The following IL4R variants were observed in gnomAD, a reference collection of about 807,000 sequenced individuals.
IL4R encodes interleukin 4 receptor, also known as interleukin-4 receptor subunit alpha.
IL4R carries 17 observed loss-of-function variants against 41.5 expected under a neutral mutation model. The observed-to-expected ratio is 0.41, with a 90% confidence interval of 0.28 to 0.61. IL4R has a LOEUF of 0.61. Among genes scored for constraint, IL4R ranks in the 20% least tolerant of loss-of-function variants. The pLI, the probability that IL4R is intolerant of heterozygous loss-of-function variation, is 0.31. For missense variants in IL4R, 974 were observed against 1,043.1 expected, an observed-to-expected ratio of 0.93 and a Z score of 0.91; for synonymous variants, 402 against 422.9, an observed-to-expected ratio of 0.95 and a Z score of 0.61.
chr16:27,325,606 A>G (rs1198841939), intron 1 of IL4R, among the ~76,000 whole-genome samples: 2 of 152,050 alleles, frequency 1.3e-5, no homozygotes, highest in African/African-American at 4.8e-5. Context: ...GAATCATAAA[A>G]TGGGTTTAAT....
chr16:27,354,661 C>G (rs2085996103), intron 7 of IL4R, among the ~76,000 whole-genome samples: 1 of 152,244 alleles, frequency 6.6e-6, no homozygotes, highest in African/African-American at 2.4e-5. Context: ...GTGAAGAAGA[C>G]TGCTTCAGTT....
rs3024606 is a variant in IL4R, at chr16:27,352,182, G to C, written c.514-358G>C. On this transcript the variant is annotated intron_variant, in intron 6 of 10. Coordinates refer to ENST00000395762, the MANE Select transcript of IL4R (RefSeq NM_000418.4). ...TTTATTATCTTCATTTTGCAGATGA[G>C]GACATTGAGGTCCAGAGAGGTTATG... Among the ~76,000 whole-genome samples the C allele has an allele frequency of 8.2e-3, 1,250 of 152,286 alleles. 14 individuals carry two copies. Among genetic ancestry groups the C allele is most frequent in the African/African-American group, 0.028 (1,183 of 41,548 alleles).
In IL4R at chr16:27,363,059, G is replaced by C. The variant is rs772301576; in HGVS notation, c.1707G>C (p.Ser569=). The C allele has an allele frequency of 6.2e-7, 1 of 1,614,084 alleles. No individual in the cohort carries two copies. Among genetic ancestry groups the C allele is most frequent in the Non-Finnish European group, 8.5e-7 (1 of 1,180,028 alleles). ...ATGGGGCAGCTGCAGCCCCCGTCTC[G>C]GCCCCCACCAGTGGCTATCAGGAGT... ...LQHGAAAAPV[S]APTSGYQEFV... The change falls in exon 11 of 11, where the codon TCG becomes TCC. Residue 569 remains serine (S), a synonymous_variant. Transcript: ENST00000395762.
chr16:27,360,652 T>C, intron 9 of IL4R, 114 bp from the exon 10 acceptor site: 1 of 1,250,494 alleles, frequency 8.0e-7, no homozygotes, highest in African/African-American at 1.5e-5. Flanking sequence ...AAGTGACCTG[T>C]TGGACTTCTG....
intron 3 of IL4R, 120 bp from the exon 4 acceptor site, chr16:27,342,001 C>T (rs1276278563): frequency 1.8e-6 from 2 of 1,092,540 alleles, no homozygotes; most frequent in Non-Finnish European, 2.6e-6. Flanking sequence ...TCTGTGGGCG[C>T]TGGCCCTCAA....
At chr16:27,349,907 G>A (rs1033919406) in intron 6 of IL4R, among the ~76,000 whole-genome samples, 3 of 152,100 alleles carry the variant, frequency 2.0e-5, no homozygotes, top group Non-Finnish European at 2.9e-5. Flanking sequence ...AGGCCACCAC[G>A]CCAGGCTAAT....
At position 27,357,499 on chromosome 16, in the gene IL4R, C is replaced by G. The variant is rs536403794; in HGVS notation, c.771-1417C>G. 7.2e-5 allele frequency among the ~76,000 whole-genome samples: 11 copies of G among 152,208 alleles called. No individual in the cohort carries two copies. The East Asian group carries it at 1.5e-3, about 21-fold the overall frequency. ...TATTTTTTGGGACAGAGTGGAGTCT[C>G]AAAAACCAAGCTGGAGTGCAGTGGT... On this transcript the variant is annotated intron_variant, in intron 8 of 10. Transcript: ENST00000395762.
intron 2 of IL4R, 99 bp downstream of exon 2, chr16:27,330,297 G>T (rs1596778151): frequency 1.3e-5 from 2 of 149,866 alleles, no homozygotes. Flanking sequence ...TGAGGCAGGA[G>T]AATCACTTGA....
rs2061579496 is a variant in IL4R, at chr16:27,328,842, T to G, written c.-151-1224T>G. Among the ~76,000 whole-genome samples the G allele has an allele frequency of 2.0e-5, 3 of 152,336 alleles. No individual in the cohort carries two copies. The South Asian group carries it at 6.2e-4, about 32-fold the overall frequency. ...TCTTTTGTGAACCATTTATGTTCTT[T>G]GCCTATTTTTCTTAAAGGGATGTTT... On this transcript the variant is annotated intron_variant, in intron 1 of 10. Coordinates refer to ENST00000395762, the MANE Select transcript of IL4R (RefSeq NM_000418.4).
chr16:27,326,908 G>GGGCCACC (rs1317020038), intron 1 of IL4R, among the ~76,000 whole-genome samples: 2 of 152,152 alleles, frequency 1.3e-5, no homozygotes, highest in African/African-American at 4.8e-5. Context: ...TATCCCAGTG[G>GGGCCACC]GGCCACCGAC....
intron 3 of IL4R, chr16:27,341,078 A>G: frequency 1.5e-6 from 1 of 678,492 alleles, no homozygotes; most frequent in Non-Finnish European, 2.7e-6. Flanking sequence ...AGGACTCTTC[A>G]GGATGCCGTG....
chr16:27,342,132 G>A lies in IL4R; in HGVS notation c.82G>A (p.Val28Ile). ...CTGTGTCTCCCCAGGGAACATGAAGGTCTTGCAGGAGCCCACCTGCGTCTC... is the reference window on the plus strand; with the variant it reads ...CTGTGTCTCCCCAGGGAACATGAAGATCTTGCAGGAGCCCACCTGCGTCTC... ...LQVASSGNMKVLQEPTCVSDY... is the reference protein window; with the variant it reads ...LQVASSGNMKILQEPTCVSDY... The change falls in exon 4 of 11, where the codon GTC becomes ATC. Residue 28 changes from valine (V) to isoleucine (I), a missense_variant. Physicochemically the swap from Val to Ile is conservative, Grantham distance 29. Transcript: ENST00000395762. The A allele has an allele frequency of 6.2e-7, 1 of 1,614,142 alleles. No homozygotes were observed. Among genetic ancestry groups the A allele is most frequent in the Non-Finnish European group, 8.5e-7 (1 of 1,180,022 alleles).
In IL4R at chr16:27,345,073, TGGGCTGAGGGTGGGGTGGGCAG is replaced by T; in HGVS notation, c.361+57_361+78del. The T allele has an allele frequency of 1.5e-6, 1 of 679,194 alleles. No individual in the cohort carries two copies. Among genetic ancestry groups the T allele is most frequent in the Non-Finnish European group, 2.3e-6 (1 of 432,788 alleles). 42.1% of individuals were successfully genotyped at this position (679,194 alleles called of 1,614,324 possible). ...GGCTGGGTGTGTTCCCACAGCTGCC[TGGGCTGAGGGTGGGGTGGGCAG>T]GGGAGGAGGTGGGGTCATAGCAACA... On this transcript the variant is annotated intron_variant, in intron 5 of 10. Transcript: ENST00000395762. The surrounding 1 kb of genome is among the most constrained non-coding windows in gnomAD (Gnocchi z 4.5).
intron 1 of IL4R, chr16:27,314,222 G>A: frequency 1.6e-6 from 1 of 609,318 alleles, no homozygotes; most frequent in Non-Finnish European, 2.1e-6. Context: ...GCGGAGGCGC[G>A]AGGCCCGGGG....
At chr16:27,358,807 G>T (rs2086183403) in intron 8 of IL4R, 109 bp from the exon 9 acceptor site, 2 of 791,168 alleles carry the variant, frequency 2.5e-6, no homozygotes, top group Non-Finnish European at 4.4e-6. Context: ...AAACTAATCA[G>T]CCTGATCTCT....
chr16:27,333,061 T>G (rs1375214738), intron 2 of IL4R, among the ~76,000 whole-genome samples: 1 of 152,084 alleles, frequency 6.6e-6, no homozygotes, highest in African/African-American at 2.4e-5. Context: ...TTTCAATCTC[T>G]TAAGGTTGTT....
At chr16:27,334,892 A>T (rs1209639497) in intron 2 of IL4R, among the ~76,000 whole-genome samples, 1 of 152,106 alleles carries the variant, frequency 6.6e-6, no homozygotes, top group Non-Finnish European at 1.5e-5. Flanking sequence ...ATCAACAAAC[A>T]GTTACTGAAC....
intron 6 of IL4R, among the ~76,000 whole-genome samples, chr16:27,348,149 G>A (rs1472137424): frequency 2.0e-5 from 3 of 152,242 alleles, no homozygotes; most frequent in African/African-American, 4.8e-5. Flanking sequence ...AGCCAGGGGT[G>A]TCGATTTATA....
intron 9 of IL4R, among the ~76,000 whole-genome samples, chr16:27,360,172 G>A (rs1192595729): frequency 1.3e-5 from 2 of 152,080 alleles, no homozygotes; most frequent in Admixed American, 6.5e-5. Flanking sequence ...GTGCCACCAC[G>A]CCAGGCTAAT....
Sources: gnomAD v4.1 joint callset for allele counts (sites outside exome capture counted in the v4.1 genomes callset) on GRCh38, gnomAD v4.1.1 for gene constraint, Gnocchi (gnomAD v3.1) non-coding constraint, MANE v1.5 for transcripts, NCBI Gene and HGNC (gene_info 2026-07-23, HGNC 2026-07-21) for gene names.